ITGB2: variants seen among roughly 807,000 people sequenced by gnomAD.
ITGB2 encodes the protein integrin beta-2.
In ITGB2, 56 loss-of-function variants were observed where a neutral mutation model predicts 86.8. That is an observed-to-expected ratio of 0.65 (90% CI 0.52 to 0.81). The LOEUF is 0.81. ITGB2 is among the 30% of genes least tolerant of loss of function. ITGB2 has a pLI of 0.00. For synonymous variants in ITGB2, 457 were observed against 450.4 expected (o/e 1.01, Z -0.19); for missense variants, 948 against 1,061.2 (o/e 0.89, Z 1.48).
At chr21:44,914,629 C>G (rs899928985) in intron 1 of ITGB2, among the ~76,000 whole-genome samples, 1 of 152,114 alleles carries the variant, frequency 6.6e-6, no homozygotes, top group African/African-American at 2.4e-5. Context: ...GGAGCAAACA[C>G]AGGAAAGGAA....
chr21:44,927,151 T>G (rs902340099), intron 1 of ITGB2: 1 of 152,486 alleles, frequency 6.6e-6, no homozygotes, highest in Admixed American at 6.5e-5. Flanking sequence ...AGGAGGTCTC[T>G]CTGTGACAGG....
chr21:44,908,894 G>A (rs970138956), intron 3 of ITGB2, among the ~76,000 whole-genome samples: 30 of 152,304 alleles, frequency 2.0e-4, no homozygotes, highest in African/African-American at 5.8e-4. Context: ...GACAGGACAC[G>A]CAGCCAGACC....
chr21:44,887,291 G>A (rs1306954179), intron 14 of ITGB2, among the ~76,000 whole-genome samples: 1 of 152,188 alleles, frequency 6.6e-6, no homozygotes, highest in Non-Finnish European at 1.5e-5. Context: ...TCCCCATACT[G>A]TGAAAGTGAT....
rs2083695712 is a variant in ITGB2, at chr21:44,886,205, C to G, written c.*163G>C. The G allele has an allele frequency of 2.8e-6, 2 of 703,052 alleles. No individual in the cohort carries two copies. The highest frequency in any genetic ancestry group is 3.5e-5 in the African/African-American group (2 of 57,362). 43.6% of individuals were successfully genotyped at this position (703,052 alleles called of 1,614,324 possible). On this transcript the variant is annotated 3_prime_UTR_variant, in exon 16 of 16. Coordinates refer to ENST00000652462, the MANE Select transcript of ITGB2 (RefSeq NM_000211.5). ...GAGTGGAGCTGTCCCCCCGACGAGC[C>G]CCCAGAAGCACCCGGCCGGCCATGG...
chr21:44,900,421 C>T lies in ITGB2; in HGVS notation c.796G>A (p.Gly266Ser), dbSNP rs764894987. 2.5e-5 allele frequency: 40 copies of T among 1,613,902 alleles called. No individual in the cohort carries two copies. The highest frequency in any genetic ancestry group is 1.1e-4 in the East Asian group (5 of 44,882). Residue 266 changes from glycine (G) to serine (S), a missense_variant, in exon 7 of 16, where the codon GGC becomes AGC. Transcript: ENST00000652462. ...TRLLVFATDD[G>S]FHFAGDGKLG... ...TTCCCGTCGCCCGCGAAATGGAAGC[C>T]GTCATCAGTGGCAAACACCAGCAGC...
rs200423927 is a variant in ITGB2, at chr21:44,900,459, C to T, written c.758G>A (p.Arg253His). Residue 253 changes from arginine (R) to histidine (H), a missense_variant, in exon 7 of 16, where the codon CGC (arginine) becomes CAC (histidine). Coordinates refer to ENST00000652462, the MANE Select transcript of ITGB2 (RefSeq NM_000211.5). The stretch of plus-strand genomic sequence containing the variant: ...AAACACCAGCAGCCGCGTGACGTTG[C>T]GCCAGCCGATTTCCTCCTGAGAAGA... ...VAACPEEIGW[R>H]NVTRLLVFAT... 139 of 1,613,934 alleles carry T rather than the reference C, an allele frequency of 8.6e-5. No individual in the cohort carries two copies. Among genetic ancestry groups the T allele is most frequent in the East Asian group, 2.0e-4 (9 of 44,880 alleles).
intron 12 of ITGB2, 144 bp downstream of exon 12, chr21:44,889,834 G>A (rs79468238): frequency 2.1e-5 from 26 of 1,233,390 alleles, no homozygotes; most frequent in Middle Eastern, 2.8e-4. Context: ...TCCTGCTGAC[G>A]CCCGGTGGCT....
rs984411448 is a variant in ITGB2, at chr21:44,911,043, G to A, written c.-3-258C>T. The A allele has an allele frequency of 1.8e-4, 100 of 564,562 alleles. No individual in the cohort carries two copies. In the South Asian group the frequency reaches 2.0e-3, roughly 11 times the overall value. 35.0% of individuals were successfully genotyped at this position (564,562 alleles called of 1,614,324 possible). A position where few individuals can be genotyped will look rare whatever the true frequency, so the allele number is the denominator to read the frequency against. On this transcript the variant is annotated intron_variant, in intron 1 of 15. Transcript: ENST00000652462. ...AGGACAGCTGCAGCGGGCCCCTGCA[G>A]AGGCACACAACACAGGCACACACAC...
At chr21:44,910,571 C>T (rs953339482) in intron 2 of ITGB2, 154 bp downstream of exon 2, 27 of 1,378,476 alleles carry the variant, frequency 2.0e-5, no homozygotes, top group East Asian at 5.0e-5. Flanking sequence ...CTGGCACGTG[C>T]GGAGACGAGG....
At chr21:44,895,209 T>TCAGTGA in intron 8 of ITGB2, 149 bp from the exon 9 acceptor site, 1 of 702,506 alleles carries the variant, frequency 1.4e-6, no homozygotes. Flanking sequence ...GAGTGTGTGG[T>TCAGTGA]CAGTGATGTG....
rs529426678 is a variant in ITGB2, at chr21:44,911,886, C to T, written c.-3-1101G>A. On this transcript the variant is annotated intron_variant, in intron 1 of 15. Transcript: ENST00000652462. ...GGAGGTGCCCAAACCAGGCCTAGGT[C>T]GGCTCCTTGGGGGGTCTTAGGGCTT... is the stretch of plus-strand genomic sequence containing the variant. Among the ~76,000 whole-genome samples, 407 of 152,242 alleles carry T rather than the reference C, an allele frequency of 2.7e-3. 3 individuals carry two copies. The highest frequency in any genetic ancestry group is 6.8e-3 in the Middle Eastern group (2 of 294).
chr21:44,906,811 T>C (rs2084048703), intron 4 of ITGB2, 104 bp downstream of exon 4: 2 of 1,266,158 alleles, frequency 1.6e-6, no homozygotes, highest in Admixed American at 1.8e-5. Context: ...CCCGGACACA[T>C]GCCTTCTGGG....
At chr21:44,923,636 G>A (rs1349328147), upstream of ITGB2, among the ~76,000 whole-genome samples, 2 of 152,314 alleles carry the variant, frequency 1.3e-5, no homozygotes, top group East Asian at 3.9e-4. Context: ...TCAAGGAAGT[G>A]TAAAGTTATT....
intron 1 of ITGB2, among the ~76,000 whole-genome samples, chr21:44,911,925 G>T (rs1252121747): frequency 2.6e-5 from 4 of 152,106 alleles, no homozygotes; most frequent in Non-Finnish European, 4.4e-5. Context: ...AGGTGGGGTG[G>T]GCCCCTGGGT....
chr21:44,908,941 C>T (rs78679639), intron 3 of ITGB2, among the ~76,000 whole-genome samples: 3,900 of 152,294 alleles, frequency 0.026, 77 homozygotes, highest in East Asian at 0.052. Flanking sequence ...AAAGGACAGC[C>T]ACAGATCATG....
intron 14 of ITGB2, among the ~76,000 whole-genome samples, chr21:44,888,354 C>A (rs1191975828): frequency 6.6e-6 from 1 of 152,262 alleles, no homozygotes; most frequent in African/African-American, 2.4e-5. Context: ...CAACTGCAAG[C>A]CTTGCCCCAT....
chr21:44,926,494 G>C (rs964544115), intron 1 of ITGB2, among the ~76,000 whole-genome samples: 1 of 152,174 alleles, frequency 6.6e-6, no homozygotes, highest in Non-Finnish European at 1.5e-5. Context: ...TAGCAGCACC[G>C]GCAACCGGCA....
chr21:44,887,850 A>G (rs2083721401), intron 14 of ITGB2, among the ~76,000 whole-genome samples: 1 of 152,218 alleles, frequency 6.6e-6, no homozygotes, highest in South Asian at 2.1e-4. Context: ...CTACAGGCTC[A>G]GAGACCCCCG....
rs753452987 is a variant in ITGB2, at chr21:44,886,834, T to G, written c.2149A>C (p.Ile717Leu). 1 of 1,613,734 alleles carries G rather than the reference T, an allele frequency of 6.2e-7. No homozygotes were observed. The highest frequency in any genetic ancestry group is 1.3e-5 in the African/African-American group (1 of 75,018). Reference sequence around the variant, plus strand: ...GCCTTCCAGATGACCAGCAGGAGAATGCCGATCAGCACGATGCCTGCCACG... The same window carrying G: ...GCCTTCCAGATGACCAGCAGGAGAAGGCCGATCAGCACGATGCCTGCCACG... ...GTVAGIVLIG[I>L]LLLVIWKALI... Residue 717 changes from isoleucine to leucine, a missense_variant, in exon 15 of 16, where the codon ATT (isoleucine) becomes CTT (leucine). Coordinates refer to ENST00000652462, the MANE Select transcript of ITGB2 (RefSeq NM_000211.5).
Sources: allele counts gnomAD v4.1 joint callset (sites outside exome capture counted in the v4.1 genomes callset), GRCh38; gene constraint gnomAD v4.1.1; transcripts MANE v1.5; gene names NCBI Gene and HGNC (gene_info 2026-07-23, HGNC 2026-07-21).